Variants in ANKAR observed in about 807,000 individuals in gnomAD.
ANKAR encodes ankyrin and armadillo repeat containing, also known as ankyrin and armadillo repeat-containing protein.
ANKAR carries 136 observed loss-of-function variants against 146.2 expected under a neutral mutation model. That is an observed-to-expected ratio of 0.93 (90% CI 0.81 to 1.07). The LOEUF is 1.07. Ranked by LOEUF, ANKAR falls within the 50% of genes least tolerant of loss-of-function variation. ANKAR has a pLI of 0.00. For missense variants in ANKAR, 1,567 were observed against 1,679.9 expected (o/e 0.93, Z 1.18); for synonymous variants, 500 against 575.8 (o/e 0.87, Z 1.88).
At chr2:189,688,727 C>T (rs1192374300) in intron 2 of ANKAR, among the ~76,000 whole-genome samples, 1 of 152,206 alleles carries the variant, frequency 6.6e-6, no homozygotes, top group African/African-American at 2.4e-5. Flanking sequence ...ATTGAACAAA[C>T]ATGCACGTTA....
In ANKAR at chr2:189,730,621, T is replaced by C; in HGVS notation, c.3300+20T>C. ...ATTAAGGTATAAAGGTTTACATTGT[T>C]TTCTGATATGGTAAAAATTAACAAA... On this transcript the variant is annotated intron_variant, in intron 16 of 22. Coordinates refer to ENST00000684021, the MANE Select transcript of ANKAR (RefSeq NM_001378068.1). 8.5e-6 allele frequency: 11 copies of C among 1,298,948 alleles called. No individual in the cohort carries two copies. The highest frequency in any genetic ancestry group is 1.1e-5 in the Non-Finnish European group (10 of 947,314). The allele number at this position is 1,298,948 out of a possible 1,614,324, so 80.5% of individuals were successfully genotyped here.
At chr2:189,726,241 G>C (rs2105818448) in intron 12 of ANKAR, among the ~76,000 whole-genome samples, 1 of 152,222 alleles carries the variant, frequency 6.6e-6, no homozygotes, top group East Asian at 1.9e-4. Flanking sequence ...AGAGAAACTG[G>C]GTGATCAAAA....
chr2:189,716,438 G>A, intron 10 of ANKAR, among the ~76,000 whole-genome samples: 1 of 152,148 alleles, frequency 6.6e-6, no homozygotes, highest in African/African-American at 2.4e-5. Context: ...TGAAATAAAA[G>A]AGGACACAAA....
At chr2:189,752,566 C>A in intron 18 of ANKAR, 1 of 1,261,738 alleles carries the variant, frequency 7.9e-7, no homozygotes, top group South Asian at 1.3e-5. Flanking sequence ...ACCAGAATGT[C>A]AATGAAAACC....
At chr2:189,753,050 G>GA (rs1456336479) in intron 18 of ANKAR, 4 of 1,368,048 alleles carry the variant, frequency 2.9e-6, no homozygotes, top group Non-Finnish European at 3.9e-6. Flanking sequence ...TAAACCTGGA[G>GA]AAAAATATCA....
chr2:189,686,179 A>G (rs188284584), intron 2 of ANKAR, among the ~76,000 whole-genome samples: 80 of 152,340 alleles, frequency 5.3e-4, no homozygotes, highest in Middle Eastern at 3.4e-3. Flanking sequence ...CCATTTTAAA[A>G]ACCCAAGAGT....
intron 18 of ANKAR, chr2:189,755,038 C>A: frequency 9.8e-7 from 1 of 1,019,446 alleles, no homozygotes; most frequent in Non-Finnish European, 1.4e-6. Context: ...TTTTTTCTCA[C>A]CATATGTGAA....
At chr2:189,717,289 C>T (rs2040589283) in intron 10 of ANKAR, among the ~76,000 whole-genome samples, 1 of 152,180 alleles carries the variant, frequency 6.6e-6, no homozygotes, top group African/African-American at 2.4e-5. Context: ...TATGAACAGA[C>T]ACTTCTCAAA....
At chr2:189,742,750 T>G (rs2043457218) in intron 20 of ANKAR, among the ~76,000 whole-genome samples, 1 of 151,806 alleles carries the variant, frequency 6.6e-6, no homozygotes, top group African/African-American at 2.4e-5. Context: ...GTTATATGGG[T>G]GATGCTAATG....
chr2:189,676,935 A>G lies in ANKAR; in HGVS notation c.445A>G (p.Asn149Asp), dbSNP rs2033783027. The G allele has an allele frequency of 5.6e-6, 9 of 1,614,124 alleles. No homozygotes were observed. Among genetic ancestry groups the G allele is most frequent in the Non-Finnish European group, 7.6e-6 (9 of 1,180,018 alleles). ...YDTRIGQILI[N>D]IDYMLKALWH... ...TACCAGAATTGGGCAAATTCTGATC[A>G]ATATTGACTACATGCTGAAAGCACT... The change falls in exon 2 of 23, where the codon AAT becomes GAT. Residue 149 changes from asparagine to aspartate, a missense_variant. By Grantham distance (23) the Asn-to-Asp change is conservative. Coordinates refer to ENST00000684021, the MANE Select transcript of ANKAR (RefSeq NM_001378068.1).
Position 189,728,416 on chromosome 2 carries a change from T to G in ANKAR, c.3027T>G (p.Tyr1009Ter), listed in dbSNP as rs753031867. The stretch of plus-strand genomic sequence containing the variant: ...TGTCACCATCAGCTAAAATGCAGTA[T>G]GTTGGTAAGTTATTTTCCTTATTTT... ...MLLSPSAKMQ[Y>*]VGGEAVIALS... is the part of the protein sequence containing the mutation. Residue 1009 changes from tyrosine (Y) to a stop codon, truncating the protein, a stop_gained, in exon 14 of 23, where the codon TAT becomes TAG. Coordinates refer to ENST00000684021, the MANE Select transcript of ANKAR (RefSeq NM_001378068.1). LOFTEE classifies it high-confidence loss of function. The G allele has an allele frequency of 6.3e-7, 1 of 1,590,502 alleles. No homozygotes were observed. The highest frequency in any genetic ancestry group is 1.2e-5 in the South Asian group (1 of 86,342).
At chr2:189,717,120 C>A (rs2040568195) in intron 10 of ANKAR, among the ~76,000 whole-genome samples, 2 of 152,090 alleles carry the variant, frequency 1.3e-5, no homozygotes, top group African/African-American at 4.8e-5. Flanking sequence ...AGCTTCTGCA[C>A]AGCAAAAGAA....
chr2:189,699,202 C>T (rs2037704352), intron 7 of ANKAR, among the ~76,000 whole-genome samples: 1 of 152,058 alleles, frequency 6.6e-6, no homozygotes, highest in Non-Finnish European at 1.5e-5. Flanking sequence ...AATTAAGGCT[C>T]TAAGGTATTC....
chr2:189,677,158 C>T, intron 2 of ANKAR, 67 bp downstream of exon 2: 1 of 1,411,384 alleles, frequency 7.1e-7, no homozygotes. Flanking sequence ...ACTACGTCAC[C>T]CAGGGTGGTC....
In ANKAR at chr2:189,737,778, A is replaced by G; in HGVS notation, c.3519A>G (p.Ile1173Met). ...YLILESGIMT[I>M]SIFERFLEST... ...TATTGGAAAGTGGAATAATGACCAT[A>G]TCTATTTTTGAACGTTTTCTTGAAT... Residue 1173 changes from isoleucine (I) to methionine (M), a missense_variant, in exon 18 of 23, where the codon ATA (isoleucine) becomes ATG (methionine). Physicochemically the swap from Ile to Met is conservative, Grantham distance 10. Transcript: ENST00000684021. The G allele has an allele frequency of 1.3e-6, 2 of 1,591,710 alleles. No homozygotes were observed. Among genetic ancestry groups the G allele is most frequent in the South Asian group, 1.2e-5 (1 of 86,180 alleles).
intron 9 of ANKAR, among the ~76,000 whole-genome samples, chr2:189,707,617 C>CTT (rs549088823): frequency 6.7e-5 from 9 of 135,008 alleles, no homozygotes; most frequent in African/African-American, 8.1e-5. Context: ...TATTTTCTTT[C>CTT]TTTTTTTTTT....
downstream of ANKAR, chr2:189,761,548 T>C (rs756943001): frequency 5.0e-6 from 8 of 1,611,346 alleles, no homozygotes; most frequent in African/African-American, 9.4e-5. Flanking sequence ...GAAATAGTGT[T>C]CCAGGATGAA....
chr2:189,712,959 G>A (rs1001927482), intron 10 of ANKAR, among the ~76,000 whole-genome samples: 27 of 152,142 alleles, frequency 1.8e-4, no homozygotes, highest in Non-Finnish European at 7.3e-5. Context: ...ACCATGGCAC[G>A]AGAACCATGT....
intron 1 of ANKAR, among the ~76,000 whole-genome samples, chr2:189,675,584 T>C (rs888214488): frequency 3.3e-5 from 5 of 152,134 alleles, no homozygotes; most frequent in African/African-American, 1.2e-4. Flanking sequence ...CTGACATCAG[T>C]TGATCTGCCC....
Sources: gnomAD v4.1 joint callset for allele counts (sites outside exome capture counted in the v4.1 genomes callset) on GRCh38, gnomAD v4.1.1 for gene constraint, MANE v1.5 for transcripts, NCBI Gene and HGNC (gene_info 2026-07-23, HGNC 2026-07-21) for gene names.